Variants in NXPH2 observed in about 807,000 individuals in gnomAD.
NXPH2 encodes the protein neurexophilin-2.
NXPH2 carries 5 observed loss-of-function variants against 19.8 expected under a neutral mutation model. The observed-to-expected ratio is 0.25, with a 90% CI of 0.13 to 0.53. The LOEUF is 0.53. NXPH2 is among the 20% of genes least tolerant of loss of function. The probability of loss-of-function intolerance (pLI) is 0.96; values close to 1 mark genes in which losing one functional copy is unlikely to be tolerated. For missense variants in NXPH2, 289 were observed against 322.8 expected (o/e 0.90, Z 0.80); for synonymous variants, 154 against 127.4 (o/e 1.21, Z -1.41).
chr2:138,748,038 G>T (rs991107667), intron 1 of NXPH2, among the ~76,000 whole-genome samples: 3 of 152,164 alleles, frequency 2.0e-5, no homozygotes, highest in Admixed American at 2.0e-4. Context: ...AAGTGAGTGG[G>T]TCTAGAGTTG....
intron 1 of NXPH2, among the ~76,000 whole-genome samples, chr2:138,726,324 C>T (rs1558923020): frequency 6.6e-6 from 1 of 152,106 alleles, no homozygotes; most frequent in South Asian, 2.1e-4. Flanking sequence ...GGATTACAGG[C>T]GTGAGCCACC....
At position 138,757,615 on chromosome 2, in the gene NXPH2, C is replaced by T. The variant is rs187989612; in HGVS notation, c.51+22576G>A. ...TCCTGACTGCCTGCCCTGTGGAATTCATGCTGCAGCATGAGACACAGAGAA... is the reference window on the plus strand; with the variant it reads ...TCCTGACTGCCTGCCCTGTGGAATTTATGCTGCAGCATGAGACACAGAGAA... On this transcript the variant is annotated intron_variant, in intron 1 of 1. Coordinates refer to ENST00000272641, the MANE Select transcript of NXPH2 (RefSeq NM_007226.3). Among the ~76,000 whole-genome samples the T allele has an allele frequency of 2.6e-3, 393 of 152,224 alleles. 3 individuals are homozygous for T. The highest frequency in any genetic ancestry group is 0.01 in the Middle Eastern group (3 of 294).
chr2:138,763,517 A>G (rs945141309), intron 1 of NXPH2, among the ~76,000 whole-genome samples: 2 of 152,310 alleles, frequency 1.3e-5, no homozygotes, highest in Non-Finnish European at 1.5e-5. Flanking sequence ...TTTTCTGGCT[A>G]TATGTATTTA....
At chr2:138,735,337 G>A (rs1308904794) in intron 1 of NXPH2, among the ~76,000 whole-genome samples, 1 of 152,128 alleles carries the variant, frequency 6.6e-6, no homozygotes. Context: ...AGTTTCACAT[G>A]GTTTGGGGAG....
intron 1 of NXPH2, among the ~76,000 whole-genome samples, chr2:138,756,573 AT>A (rs1219037267): frequency 1.6e-4 from 25 of 152,280 alleles, no homozygotes; most frequent in African/African-American, 6.0e-4. Flanking sequence ...ATGAAAGAAA[AT>A]CTCTTGCTCT....
intron 1 of NXPH2, among the ~76,000 whole-genome samples, chr2:138,708,661 G>A (rs1218527074): frequency 3.3e-5 from 5 of 152,160 alleles, no homozygotes; most frequent in African/African-American, 1.2e-4. Context: ...CTAATGTGAG[G>A]TATAGTGCTT....
At chr2:138,716,476 G>A (rs951130976) in intron 1 of NXPH2, among the ~76,000 whole-genome samples, 11 of 152,144 alleles carry the variant, frequency 7.2e-5, no homozygotes, top group African/African-American at 2.7e-4. Flanking sequence ...TGAATCTGCT[G>A]GCACCTTGAT....
At chr2:138,739,620 G>A (rs573786769) in intron 1 of NXPH2, among the ~76,000 whole-genome samples, 37 of 152,286 alleles carry the variant, frequency 2.4e-4, no homozygotes, top group Non-Finnish European at 2.8e-4. Flanking sequence ...GCAGGTTACT[G>A]AGGGACTTAG....
At chr2:138,728,508 C>T (rs1558923572) in intron 1 of NXPH2, among the ~76,000 whole-genome samples, 1 of 152,150 alleles carries the variant, frequency 6.6e-6, no homozygotes, top group African/African-American at 2.4e-5. Context: ...AATGATTTGG[C>T]ATAGGACTTG....
chr2:138,702,453 G>A lies in NXPH2; in HGVS notation c.52-30788C>T, dbSNP rs544519863. Among the ~76,000 whole-genome samples, 21 of 152,194 alleles carry A rather than the reference G, an allele frequency of 1.4e-4. No homozygotes were observed. In the South Asian group the frequency reaches 4.2e-3, roughly 30 times the overall value. ...TTTCTGTTAGTGTATTCCATACTTA[G>A]GTCCTGACTTGAATAAAACTATAAA... On this transcript the variant is annotated intron_variant, in intron 1 of 1. Transcript: ENST00000272641.
At chr2:138,765,566 T>C (rs1367555002) in intron 1 of NXPH2, among the ~76,000 whole-genome samples, 3 of 152,196 alleles carry the variant, frequency 2.0e-5, no homozygotes, top group African/African-American at 7.2e-5. Flanking sequence ...ATTCATGCCA[T>C]TTATAAAAAT....
At chr2:138,759,804 A>G (rs1226425259) in intron 1 of NXPH2, among the ~76,000 whole-genome samples, 3 of 143,704 alleles carry the variant, frequency 2.1e-5, no homozygotes, top group Non-Finnish European at 3.0e-5. Flanking sequence ...ATCTCGGCTC[A>G]CTGCAACCTC....
Position 138,684,453 on chromosome 2 carries a change from A to G in NXPH2, c.52-12788T>C, listed in dbSNP as rs189316570. Reference sequence around the variant, plus strand: ...AAAAATTAAAGTCTGATAACTGTTAACATTTTAATATTTAATTCATATTTT... The same window carrying G: ...AAAAATTAAAGTCTGATAACTGTTAGCATTTTAATATTTAATTCATATTTT... On this transcript the variant is annotated intron_variant, in intron 1 of 1. Coordinates refer to ENST00000272641, the MANE Select transcript of NXPH2 (RefSeq NM_007226.3). Among the ~76,000 whole-genome samples, 384 of 152,048 alleles carry G rather than the reference A, an allele frequency of 2.5e-3. 1 individual carries two copies. The highest frequency in any genetic ancestry group is 8.6e-3 in the African/African-American group (357 of 41,548).
intron 1 of NXPH2, among the ~76,000 whole-genome samples, chr2:138,687,756 T>G (rs1203764569): frequency 2.6e-5 from 4 of 152,228 alleles, no homozygotes; most frequent in Non-Finnish European, 5.9e-5. Context: ...TTTCTACATA[T>G]GGCTAGCCAG....
chr2:138,765,233 T>C (rs1682072774), intron 1 of NXPH2, among the ~76,000 whole-genome samples: 1 of 152,172 alleles, frequency 6.6e-6, no homozygotes, highest in Non-Finnish European at 1.5e-5. Context: ...ACACTCACTG[T>C]GAAGGGTACA....
intron 1 of NXPH2, among the ~76,000 whole-genome samples, chr2:138,731,298 C>A (rs887927827): frequency 1.3e-5 from 2 of 151,996 alleles, no homozygotes; most frequent in Admixed American, 6.6e-5. Flanking sequence ...AAAAAAATCA[C>A]TGAAAGCAAA....
intron 1 of NXPH2, among the ~76,000 whole-genome samples, chr2:138,770,525 AAG>A (rs1221467793): frequency 6.6e-6 from 1 of 152,128 alleles, no homozygotes; most frequent in Non-Finnish European, 1.5e-5. Flanking sequence ...GTTCAATAAA[AAG>A]AGTCAAATAT....
At chr2:138,712,344 G>A (rs1681118298) in intron 1 of NXPH2, among the ~76,000 whole-genome samples, 1 of 152,198 alleles carries the variant, frequency 6.6e-6, no homozygotes, top group African/African-American at 2.4e-5. Flanking sequence ...GGCTTGATGA[G>A]TCAAAACAGG....
intron 1 of NXPH2, among the ~76,000 whole-genome samples, chr2:138,752,545 T>C (rs1376616622): frequency 1.3e-5 from 2 of 152,176 alleles, no homozygotes; most frequent in Non-Finnish European, 1.5e-5. Context: ...TCACACCTAA[T>C]TTCCCTAGTT....
Sources: gnomAD v4.1 joint callset for allele counts (sites outside exome capture counted in the v4.1 genomes callset) on GRCh38, gnomAD v4.1.1 for gene constraint, MANE v1.5 for transcripts, NCBI Gene and HGNC (gene_info 2026-07-23, HGNC 2026-07-21) for gene names.